Variants in EIF4G3 observed in about 807,000 individuals in gnomAD.
The protein encoded by EIF4G3 is eukaryotic translation initiation factor 4 gamma 3.
Under a neutral mutation model 186.4 loss-of-function variants are expected in EIF4G3, and 34 were observed. The ratio of observed to expected loss-of-function variants is 0.18; its 90% CI spans 0.14 to 0.24. The LOEUF is 0.24. Among genes scored for constraint, EIF4G3 ranks in the 10% least tolerant of loss-of-function variants. The pLI is 1.00. For synonymous variants in EIF4G3, 673 were observed against 679.5 expected (o/e 0.99, Z 0.15); for missense variants, 1,536 against 1,948.5 (o/e 0.79, Z 3.99).
At chr1:20,936,833 G>A (rs1432199771) in intron 14 of EIF4G3, among the ~76,000 whole-genome samples, 1 of 152,126 alleles carries the variant, frequency 6.6e-6, no homozygotes, top group East Asian at 1.9e-4. Context: ...CAACTTGATT[G>A]GCTACATGGA....
At chr1:21,083,372 T>C (rs2095855897) in intron 3 of EIF4G3, among the ~76,000 whole-genome samples, 1 of 152,130 alleles carries the variant, frequency 6.6e-6, no homozygotes, top group African/African-American at 2.4e-5. Context: ...AGACAACGGT[T>C]TCACTCTGTC....
rs2068352612 is a variant in EIF4G3 at position 20,840,852 on chromosome 1, T to C, written c.4061+4A>G. ...TGAATACCACTCTTGAAGAGGATAC[T>C]GACCCTTTGAAAAAGTCCTGTTTGC... On this transcript the variant is annotated splice_donor_region_variant and intron_variant, in intron 30 of 36. Coordinates refer to ENST00000602326, the MANE Select transcript of EIF4G3 (RefSeq NM_001391906.1). 4 of 1,614,032 alleles carry C rather than the reference T, an allele frequency of 2.5e-6. No individual in the cohort carries two copies. The highest frequency in any genetic ancestry group is 3.4e-6 in the Non-Finnish European group (4 of 1,179,908).
At chr1:20,859,154 G>C (rs1350702289) in intron 24 of EIF4G3, among the ~76,000 whole-genome samples, 1 of 152,142 alleles carries the variant, frequency 6.6e-6, no homozygotes, top group African/African-American at 2.4e-5. Context: ...TATGACACTT[G>C]TATCTTAGTC....
intron 32 of EIF4G3, among the ~76,000 whole-genome samples, chr1:20,826,009 A>G (rs775246390): frequency 3.0e-4 from 46 of 152,360 alleles, no homozygotes; most frequent in Non-Finnish European, 6.3e-4. Flanking sequence ...TACTTCATAG[A>G]GTAACTTGTC....
intron 11 of EIF4G3, among the ~76,000 whole-genome samples, chr1:20,971,262 T>C (rs369746816): frequency 6.6e-6 from 1 of 152,344 alleles, no homozygotes; most frequent in African/African-American, 2.4e-5. Flanking sequence ...AATTCACTAA[T>C]GAAACTACCT....
intron 14 of EIF4G3, among the ~76,000 whole-genome samples, chr1:20,928,699 CCT>C (rs1417307847): frequency 3.9e-5 from 6 of 152,046 alleles, no homozygotes; most frequent in Non-Finnish European, 8.8e-5. Context: ...ACGCCAGGCC[CCT>C]CTTTTTAAAA....
rs1278000304 is a variant in EIF4G3, at chr1:20,851,208, C to T, written c.3772+50G>A. 20 of 1,549,600 alleles carry T rather than the reference C, an allele frequency of 1.3e-5. No homozygotes were observed. In the Admixed American group the frequency reaches 1.5e-4, roughly 11 times the overall value. ...AGGCACAGTCTCTTTTTTATTTTTC[C>T]TTCCAAATTTAAAACCCAAATCTGC... On this transcript the variant is annotated intron_variant, in intron 28 of 36. Transcript: ENST00000602326.
intron 2 of EIF4G3, among the ~76,000 whole-genome samples, chr1:21,174,125 A>C (rs1369817472): frequency 6.6e-6 from 1 of 152,264 alleles, no homozygotes; most frequent in Non-Finnish European, 1.5e-5. Flanking sequence ...CTTCAATGGC[A>C]TGAGGCAAAG....
At chr1:20,812,337 G>C (rs1220638477) in intron 35 of EIF4G3, among the ~76,000 whole-genome samples, 1 of 152,124 alleles carries the variant, frequency 6.6e-6, no homozygotes, top group Non-Finnish European at 1.5e-5. Context: ...TGGTTCTATG[G>C]ATACTGAAAA....
chr1:20,884,311 A>T (rs1255540672), intron 19 of EIF4G3, among the ~76,000 whole-genome samples: 2 of 152,222 alleles, frequency 1.3e-5, no homozygotes, highest in Non-Finnish European at 2.9e-5. Flanking sequence ...ACAGATTACG[A>T]GTTATAACAA....
intron 33 of EIF4G3, 72 bp from the exon 34 acceptor site, chr1:20,817,610 C>A: frequency 8.7e-6 from 8 of 922,216 alleles, no homozygotes; most frequent in South Asian, 3.6e-5. Context: ...GAGAGAAGAA[C>A]AAAGTCATAG....
chr1:21,023,217 G>A (rs898972280), intron 4 of EIF4G3, among the ~76,000 whole-genome samples: 10 of 142,466 alleles, frequency 7.0e-5, no homozygotes, highest in African/African-American at 2.6e-4. Flanking sequence ...GTGGTGTAAG[G>A]GCTCTCCCTC....
chr1:21,098,516 G>A (rs901983210), intron 2 of EIF4G3, among the ~76,000 whole-genome samples: 6 of 139,450 alleles, frequency 4.3e-5, no homozygotes, highest in African/African-American at 1.6e-4. Flanking sequence ...TCCAGCCTGG[G>A]CAACCAGAGC....
At chr1:20,910,445 G>A (rs191837283) in intron 14 of EIF4G3, among the ~76,000 whole-genome samples, 24 of 152,146 alleles carry the variant, frequency 1.6e-4, no homozygotes, top group East Asian at 3.9e-4. Context: ...TTAGCCAGGC[G>A]TGGTGGCAGG....
At chr1:20,924,357 T>A (rs2094711338) in intron 14 of EIF4G3, among the ~76,000 whole-genome samples, 2 of 152,206 alleles carry the variant, frequency 1.3e-5, no homozygotes, top group South Asian at 4.1e-4. Flanking sequence ...ATACAAATGG[T>A]ATCAGAAATA....
chr1:21,039,542 C>A (rs959767097), intron 4 of EIF4G3, among the ~76,000 whole-genome samples: 5 of 152,118 alleles, frequency 3.3e-5, no homozygotes, highest in African/African-American at 7.2e-5. Flanking sequence ...ACATGCCTGT[C>A]GTCCCAGCTA....
At chr1:20,809,554 T>C (rs536416744) in intron 36 of EIF4G3, among the ~76,000 whole-genome samples, 1 of 152,364 alleles carries the variant, frequency 6.6e-6, no homozygotes, top group East Asian at 1.9e-4. Context: ...GGTTACTTTG[T>C]TTCATTAGCC....
At chr1:21,025,866 A>G in intron 4 of EIF4G3, among the ~76,000 whole-genome samples, 1 of 152,236 alleles carries the variant, frequency 6.6e-6, no homozygotes, top group South Asian at 2.1e-4. Context: ...AAACATAACC[A>G]ACAGTCCTTG....
Position 20,924,145 on chromosome 1 carries a change from T to C in EIF4G3, c.1663+17346A>G, listed in dbSNP as rs1487955545. ...CTAATGTGTCCCAAAATATGGAGAATAGGCAGTCAAAAGGGTATTCTAATT... is the reference window on the plus strand; with the variant it reads ...CTAATGTGTCCCAAAATATGGAGAACAGGCAGTCAAAAGGGTATTCTAATT... On this transcript the variant is annotated intron_variant, in intron 14 of 36. Coordinates refer to ENST00000602326, the MANE Select transcript of EIF4G3 (RefSeq NM_001391906.1). Among the ~76,000 whole-genome samples the C allele has an allele frequency of 9.2e-5, 14 of 152,288 alleles. No individual in the cohort carries two copies. The East Asian group carries it at 9.6e-4, about 10-fold the overall frequency.
Sources: gnomAD v4.1 joint callset for allele counts (sites outside exome capture counted in the v4.1 genomes callset) on GRCh38, gnomAD v4.1.1 for gene constraint, MANE v1.5 for transcripts, NCBI Gene and HGNC (gene_info 2026-07-23, HGNC 2026-07-21) for gene names.